Variants in ZNF66 observed in about 807,000 individuals in gnomAD.
ZNF66 encodes the protein putative zinc finger protein 66.
Under a neutral mutation model 35.2 loss-of-function variants are expected in ZNF66, and 32 were observed. That is an observed-to-expected ratio of 0.91 (90% CI 0.69 to 1.22). The LOEUF (loss-of-function observed/expected upper bound fraction) is 1.22. Ranked by LOEUF, ZNF66 falls within the 50% of genes most tolerant of loss-of-function variation. The probability of loss-of-function intolerance (pLI) is 0.00; values close to 1 mark genes in which losing one functional copy is unlikely to be tolerated. For synonymous variants in ZNF66, 231 were observed against 181.3 expected (o/e 1.27, Z -2.20); for missense variants, 666 against 543.1 (o/e 1.23, Z -2.25).
At chr19:20,777,625 T>G (rs1971207789) in intron 1 of ZNF66, among the ~76,000 whole-genome samples, 1 of 151,426 alleles carries the variant, frequency 6.6e-6, no homozygotes, top group Admixed American at 6.6e-5. Context: ...CAATTAATTA[T>G]TATTATTATT....
intron 3 of ZNF66, among the ~76,000 whole-genome samples, chr19:20,803,222 A>G (rs1568500194): frequency 2.0e-5 from 3 of 151,758 alleles, no homozygotes; most frequent in Admixed American, 2.0e-4. Context: ...AGATAATTAT[A>G]TATATTTAAA....
intron 3 of ZNF66, 178 bp downstream of exon 3, chr19:20,794,056 G>T: frequency 1.7e-6 from 1 of 573,944 alleles, no homozygotes; most frequent in Non-Finnish European, 3.1e-6. Flanking sequence ...TCACAAAGGG[G>T]CATATTGTCT....
intron 1 of ZNF66, among the ~76,000 whole-genome samples, chr19:20,783,887 C>G (rs990290672): frequency 2.0e-5 from 3 of 152,176 alleles, no homozygotes; most frequent in Non-Finnish European, 4.4e-5. Context: ...GACAGACTCT[C>G]ACTCTGTTTC....
In ZNF66 at chr19:20,807,338, T is replaced by C. The variant is rs1169683308; in HGVS notation, c.*16T>C. 1.6e-6 allele frequency: 1 copy of C among 612,256 alleles called. No homozygotes were observed. Among genetic ancestry groups the C allele is most frequent in the South Asian group, 2.2e-5 (1 of 44,634 alleles). 37.9% of individuals were successfully genotyped at this position (612,256 alleles called of 1,614,324 possible). ...AAAGCCTTAGACACTCCTCTACCCT[T>C]ACTAGACATAAGATAATTCATACTG... On this transcript the variant is annotated 3_prime_UTR_variant, in exon 4 of 4. Transcript: ENST00000344519.
chr19:20,788,548 T>G (rs10411095), intron 1 of ZNF66, among the ~76,000 whole-genome samples: 14,150 of 151,902 alleles, frequency 0.093, 668 homozygotes, highest in Middle Eastern at 0.11. Flanking sequence ...GGCATTACAG[T>G]TGCTGGCCAC....
chr19:20,806,792 A>G lies in ZNF66; in HGVS notation c.1192A>G (p.Lys398Glu). The change falls in exon 4 of 4, where the codon AAA becomes GAA. Residue 398 changes from lysine to glutamate, a missense_variant. Transcript: ENST00000344519. ...AATTCATACTGGAAAGAAACCTTACAAATGTGAAGAATGTGGCAAAGTGTT... is the reference window on the plus strand; with the variant it reads ...AATTCATACTGGAAAGAAACCTTACGAATGTGAAGAATGTGGCAAAGTGTT... ...KIIHTGKKPY[K>E]CEECGKVFKH... is the part of the protein sequence containing the mutation. 1 of 1,314,256 alleles carries G rather than the reference A, an allele frequency of 7.6e-7. No individual in the cohort carries two copies. Among genetic ancestry groups the G allele is most frequent in the Middle Eastern group, 1.8e-4 (1 of 5,410 alleles). The allele number at this position is 1,314,256 out of a possible 1,614,324, so 81.4% of individuals were successfully genotyped here.
At chr19:20,784,878 A>C (rs1971273511) in intron 1 of ZNF66, 1 of 152,652 alleles carries the variant, frequency 6.6e-6, no homozygotes, top group African/African-American at 2.4e-5. Context: ...CTTCTCTCAA[A>C]ATTATCTTGC....
chr19:20,795,461 G>C (rs948539359), intron 3 of ZNF66, among the ~76,000 whole-genome samples: 1 of 150,756 alleles, frequency 6.6e-6, no homozygotes, highest in African/African-American at 2.4e-5. Context: ...TCCGCCTCTT[G>C]GGTTCCAGTG....
rs757015159 is a variant in ZNF66, at chr19:20,806,818, T to C, written c.1218T>C (p.Phe406=). Residue 406 remains phenylalanine, a synonymous_variant, in exon 4 of 4, where the codon TTT becomes TTC. Coordinates refer to ENST00000344519, the MANE Select transcript of ZNF66 (RefSeq NM_001355197.2). ...PYKCEECGKV[F]KHSSPLSKHK... Reference sequence around the variant, plus strand: ...AATGTGAAGAATGTGGCAAAGTGTTTAAGCACTCCTCTCCCCTTTCTAAAC... The same window carrying C: ...AATGTGAAGAATGTGGCAAAGTGTTCAAGCACTCCTCTCCCCTTTCTAAAC... 84 of 1,302,056 alleles carry C rather than the reference T, an allele frequency of 6.5e-5. No homozygotes were observed. Among genetic ancestry groups the C allele is most frequent in the Non-Finnish European group, 8.9e-6 (8 of 898,962 alleles). The allele number at this position is 1,302,056 out of a possible 1,614,324, so 80.7% of individuals were successfully genotyped here.
chr19:20,806,749 C>T lies in ZNF66; in HGVS notation c.1149C>T (p.Ser383=), dbSNP rs1353288726. Residue 383 remains serine (S), a synonymous_variant, in exon 4 of 4, where the codon TCC becomes TCT. Transcript: ENST00000344519. The part of the protein sequence containing the change: ...ECGEAFKYSC[S]LTAHKIIHTG... ...GTGAAGCCTTTAAGTACTCCTGTTC[C>T]CTTACTGCACATAAGATAATTCATA... 1.5e-6 allele frequency: 2 copies of T among 1,348,482 alleles called. No individual in the cohort carries two copies. Among genetic ancestry groups the T allele is most frequent in the African/African-American group, 2.9e-5 (2 of 69,720 alleles). 83.5% of individuals were successfully genotyped at this position (1,348,482 alleles called of 1,614,324 possible).
At position 20,800,145 on chromosome 19, in the gene ZNF66, T is replaced by A. The variant is rs573806642; in HGVS notation, c.227-5682T>A. Among the ~76,000 whole-genome samples, 3 of 152,264 alleles carry A rather than the reference T, an allele frequency of 2.0e-5. No homozygotes were observed. The South Asian group carries it at 6.2e-4, about 32-fold the overall frequency. On this transcript the variant is annotated intron_variant, in intron 3 of 3. Coordinates refer to ENST00000344519, the MANE Select transcript of ZNF66 (RefSeq NM_001355197.2). ...GATCCTTTCACCTCAGTTTTTTGAGTAGCTAGGACTACAGACATGCACTAC... is the reference window on the plus strand; with the variant it reads ...GATCCTTTCACCTCAGTTTTTTGAGAAGCTAGGACTACAGACATGCACTAC...
intron 3 of ZNF66, among the ~76,000 whole-genome samples, chr19:20,795,456 C>T (rs553606000): frequency 2.0e-5 from 3 of 151,808 alleles, no homozygotes; most frequent in South Asian, 4.2e-4. Flanking sequence ...CAACCTCCGC[C>T]TCTTGGGTTC....
At position 20,806,731 on chromosome 19, in the gene ZNF66, C is replaced by G; in HGVS notation, c.1131C>G (p.Ala377=). The change falls in exon 4 of 4, where the codon GCC becomes GCG. Residue 377 remains alanine, a synonymous_variant. Coordinates refer to ENST00000344519, the MANE Select transcript of ZNF66 (RefSeq NM_001355197.2). ...ACAAATGTGAAGAATGTGGTGAAGCCTTTAAGTACTCCTGTTCCCTTACTG... is the reference window on the plus strand; with the variant it reads ...ACAAATGTGAAGAATGTGGTGAAGCGTTTAAGTACTCCTGTTCCCTTACTG... ...KPYKCEECGE[A]FKYSCSLTAH... 7.2e-7 allele frequency: 1 copy of G among 1,385,644 alleles called. No homozygotes were observed. Among genetic ancestry groups the G allele is most frequent in the East Asian group, 2.3e-5 (1 of 43,688 alleles). 85.8% of individuals were successfully genotyped at this position (1,385,644 alleles called of 1,614,324 possible). A position where few individuals can be genotyped will look rare whatever the true frequency, so the allele number is the denominator to read the frequency against.
At chr19:20,805,471 T>C (rs964828800) in intron 3 of ZNF66, among the ~76,000 whole-genome samples, 1 of 152,110 alleles carries the variant, frequency 6.6e-6, no homozygotes, top group Non-Finnish European at 1.5e-5. Context: ...AGATTACTGG[T>C]GTGAGCCATC....
intron 3 of ZNF66, among the ~76,000 whole-genome samples, chr19:20,800,217 A>G (rs1971435417): frequency 6.6e-6 from 1 of 152,096 alleles, no homozygotes; most frequent in South Asian, 2.1e-4. Context: ...GGATCTCACT[A>G]TTTTGCCCAG....
chr19:20,800,402 A>AT (rs1971437373), intron 3 of ZNF66, among the ~76,000 whole-genome samples: 2 of 152,188 alleles, frequency 1.3e-5, no homozygotes, highest in African/African-American at 4.8e-5. Context: ...ATGGGAGAGT[A>AT]TTTTATGTAT....
At chr19:20,792,681 GT>G in intron 2 of ZNF66, 43 bp downstream of exon 2, 1 of 1,064,466 alleles carries the variant, frequency 9.4e-7, no homozygotes, top group Non-Finnish European at 1.4e-6. Flanking sequence ...TACACAAATT[GT>G]TTTATTTCTC....
Position 20,806,617 on chromosome 19 carries a change from A to T in ZNF66, c.1017A>T (p.Lys339Asn). 6.3e-7 allele frequency: 1 copy of T among 1,592,320 alleles called. No individual in the cohort carries two copies. Among genetic ancestry groups the T allele is most frequent in the African/African-American group, 1.3e-5 (1 of 74,574 alleles). Residue 339 changes from lysine to asparagine, a missense_variant, in exon 4 of 4, where the codon AAA (lysine) becomes AAT (asparagine). Physicochemically the swap from Lys to Asn is moderately conservative, Grantham distance 94 (BLOSUM62 0). Transcript: ENST00000344519. ...ATAAGAGAATTCATACTGGAGAGAA[A>T]CCCTACAAATGTGAAGAATGTGGCA... ...TTHKRIHTGE[K>N]PYKCEECGKG...
intron 1 of ZNF66, among the ~76,000 whole-genome samples, chr19:20,783,825 T>C (rs1971264913): frequency 6.6e-6 from 1 of 152,212 alleles, no homozygotes; most frequent in South Asian, 2.1e-4. Context: ...ATGTTTAGTG[T>C]TTGTAGACAA....
Sources: gnomAD v4.1 joint callset for allele counts (sites outside exome capture counted in the v4.1 genomes callset) on GRCh38, gnomAD v4.1.1 for gene constraint, MANE v1.5 for transcripts, NCBI Gene and HGNC (gene_info 2026-07-23, HGNC 2026-07-21) for gene names.